Variants in KCNJ6 observed in about 807,000 individuals in gnomAD.
KCNJ6 encodes the protein potassium inwardly rectifying channel subfamily J member 6.
A neutral mutation model predicts 34.2 loss-of-function variants in KCNJ6; 9 were observed. The observed-to-expected ratio is 0.26, with a 90% confidence interval of 0.16 to 0.46. KCNJ6 has a LOEUF of 0.46. Among genes scored for constraint, KCNJ6 ranks in the 20% least tolerant of loss-of-function variants. KCNJ6 has a pLI of 1.00. For missense variants in KCNJ6, 236 were observed against 531.3 expected, an observed-to-expected ratio of 0.44 and a Z score of 5.46; for synonymous variants, 196 against 207.1, an observed-to-expected ratio of 0.95 and a Z score of 0.46.
intron 2 of KCNJ6, among the ~76,000 whole-genome samples, chr21:37,825,590 T>TGA (rs1568862494): frequency 6.6e-6 from 1 of 152,224 alleles, no homozygotes; most frequent in Non-Finnish European, 1.5e-5. Context: ...CTGATCACTG[T>TGA]TCTCCAAACA....
intron 3 of KCNJ6, among the ~76,000 whole-genome samples, chr21:37,683,097 G>C (rs1172383668): frequency 6.6e-6 from 1 of 152,166 alleles, no homozygotes; most frequent in African/African-American, 2.4e-5. Context: ...AGCATTCCTG[G>C]AAAAATATGT....
chr21:37,729,444 C>T (rs1202369804), intron 2 of KCNJ6, among the ~76,000 whole-genome samples: 2 of 152,120 alleles, frequency 1.3e-5, no homozygotes, highest in Non-Finnish European at 2.9e-5. Context: ...CCACCTCAGC[C>T]CCCTAAGTAG....
intron 2 of KCNJ6, among the ~76,000 whole-genome samples, chr21:37,722,469 G>T (rs1054893921): frequency 2.6e-5 from 4 of 152,154 alleles, no homozygotes; most frequent in African/African-American, 9.7e-5. Flanking sequence ...CAAAAAACCT[G>T]AATAGCTAAA....
intron 2 of KCNJ6, among the ~76,000 whole-genome samples, chr21:37,839,178 T>C (rs1224813691): frequency 6.6e-6 from 1 of 152,188 alleles, no homozygotes; most frequent in African/African-American, 2.4e-5. Context: ...GTTTGGGGTT[T>C]TTCAAACCAA....
chr21:37,811,273 C>T (rs929748630), intron 2 of KCNJ6, among the ~76,000 whole-genome samples: 9 of 152,124 alleles, frequency 5.9e-5, no homozygotes, highest in African/African-American at 2.2e-4. Context: ...TTTATAATAT[C>T]CTTTATAACA....
At chr21:37,759,683 A>G (rs1250487125) in intron 2 of KCNJ6, among the ~76,000 whole-genome samples, 1 of 152,124 alleles carries the variant, frequency 6.6e-6, no homozygotes, top group African/African-American at 2.4e-5. Context: ...CCTGGCATCT[A>G]TATCATCCTG....
At chr21:37,823,011 CA>C (rs753920802) in intron 2 of KCNJ6, among the ~76,000 whole-genome samples, 52 of 152,240 alleles carry the variant, frequency 3.4e-4, no homozygotes, top group Non-Finnish European at 1.8e-4. Context: ...ACTATAGCAC[CA>C]GGGGTTAGCA....
At chr21:37,781,792 C>A (rs1222171392) in intron 2 of KCNJ6, among the ~76,000 whole-genome samples, 1 of 152,016 alleles carries the variant, frequency 6.6e-6, no homozygotes, top group Non-Finnish European at 1.5e-5. Context: ...CTGATCATTC[C>A]CTGGTCATAG....
chr21:37,655,029 T>C (rs857981), intron 3 of KCNJ6, among the ~76,000 whole-genome samples: 148,682 of 152,238 alleles, frequency 0.98, 72,639 homozygotes, highest in Middle Eastern at 1. Flanking sequence ...GAGAGAGAGG[T>C]GGACCGAGAC....
chr21:37,677,793 CACCT>C (rs1211431382), intron 3 of KCNJ6, among the ~76,000 whole-genome samples: 301 of 145,304 alleles, frequency 2.1e-3, no homozygotes, highest in South Asian at 3.8e-3. Flanking sequence ...TCCATCCACC[CACCT>C]ATCCACCCAC....
chr21:37,776,925 A>G (rs1212379115), intron 2 of KCNJ6, among the ~76,000 whole-genome samples: 1 of 152,212 alleles, frequency 6.6e-6, no homozygotes, highest in East Asian at 1.9e-4. Context: ...AAGGAATGGT[A>G]CCAGCTCCTC....
chr21:37,898,160 T>G (rs2055798599), intron 1 of KCNJ6, among the ~76,000 whole-genome samples: 1 of 152,186 alleles, frequency 6.6e-6, no homozygotes, highest in African/African-American at 2.4e-5. Flanking sequence ...TGAGCAGCTT[T>G]GGTTGCTGAC....
chr21:37,840,812 G>T, intron 1 of KCNJ6, 103 bp from the exon 2 acceptor site: 1 of 627,454 alleles, frequency 1.6e-6, no homozygotes, highest in Non-Finnish European at 2.8e-6. Flanking sequence ...TTTTTCCTAG[G>T]TCAGAATTTG....
chr21:37,656,941 C>T (rs1173762386), intron 3 of KCNJ6, among the ~76,000 whole-genome samples: 1 of 152,214 alleles, frequency 6.6e-6, no homozygotes, highest in East Asian at 1.9e-4. Flanking sequence ...TTCCTTCCCA[C>T]CCAAAGAAAA....
At chr21:37,853,207 C>T (rs1042061282) in intron 1 of KCNJ6, among the ~76,000 whole-genome samples, 1 of 147,926 alleles carries the variant, frequency 6.8e-6, no homozygotes, top group African/African-American at 2.5e-5. Context: ...AAGAAAAACC[C>T]AAGGTAATTC....
chr21:37,642,773 T>C lies in KCNJ6; in HGVS notation c.947-17289A>G, dbSNP rs561800095. Reference sequence around the variant, plus strand: ...TCAACTATTTAAGGTTCTGGAGAGATGGGTGAGGCTGGGAGAAGGAAGTTT... The same window carrying C: ...TCAACTATTTAAGGTTCTGGAGAGACGGGTGAGGCTGGGAGAAGGAAGTTT... On this transcript the variant is annotated intron_variant, in intron 3 of 3. Transcript: ENST00000609713. Among the ~76,000 whole-genome samples, 30 of 152,082 alleles carry C rather than the reference T, an allele frequency of 2.0e-4. 1 individual carries two copies. The South Asian group carries it at 5.6e-3, about 29-fold the overall frequency.
At chr21:37,786,881 T>C (rs2055195122) in intron 2 of KCNJ6, among the ~76,000 whole-genome samples, 1 of 152,228 alleles carries the variant, frequency 6.6e-6, no homozygotes, top group Admixed American at 6.5e-5. Context: ...AACCATGGCT[T>C]CAAGTTTTAG....
At chr21:37,812,490 T>C (rs2055327752) in intron 2 of KCNJ6, among the ~76,000 whole-genome samples, 1 of 152,176 alleles carries the variant, frequency 6.6e-6, no homozygotes, top group South Asian at 2.1e-4. Context: ...CCAAAATCTC[T>C]GATGAATATT....
intron 3 of KCNJ6, among the ~76,000 whole-genome samples, chr21:37,652,333 AGAAC>A (rs1236232268): frequency 6.6e-6 from 1 of 152,260 alleles, no homozygotes; most frequent in Non-Finnish European, 1.5e-5. Flanking sequence ...ATGTTTCAGC[AGAAC>A]AGTGGGGTCA....
Sources: allele counts gnomAD v4.1 joint callset (sites outside exome capture counted in the v4.1 genomes callset), GRCh38; gene constraint gnomAD v4.1.1; transcripts MANE v1.5; gene names NCBI Gene and HGNC (gene_info 2026-07-23, HGNC 2026-07-21).